The following DYNC2I1 variants were observed in gnomAD, a reference collection of about 807,000 sequenced individuals.
DYNC2I1 encodes cytoplasmic dynein 2 intermediate chain 1.
A neutral mutation model predicts 133.4 loss-of-function variants in DYNC2I1; 89 were observed. That is an observed-to-expected ratio of 0.67 (90% CI 0.56 to 0.80). DYNC2I1 has a LOEUF of 0.80. Among genes scored for constraint, DYNC2I1 ranks in the 30% least tolerant of loss-of-function variants. The probability of loss-of-function intolerance (pLI) is 0.00; values close to 1 mark genes in which losing one functional copy is unlikely to be tolerated. For missense variants in DYNC2I1, 1,291 were observed against 1,314.5 expected (o/e 0.98, Z 0.28); for synonymous variants, 504 against 484.3 (o/e 1.04, Z -0.54).
At chr7:158,886,640 G>A (rs1844635705) in intron 6 of DYNC2I1, among the ~76,000 whole-genome samples, 3 of 152,046 alleles carry the variant, frequency 2.0e-5, no homozygotes, top group Non-Finnish European at 4.4e-5. Context: ...GTCTTTCTCT[G>A]TCGCCCAGGC....
chr7:158,930,395 A>G, intron 20 of DYNC2I1, 60 bp from the exon 21 acceptor site: 2 of 1,425,190 alleles, frequency 1.4e-6, no homozygotes, highest in Non-Finnish European at 2.0e-6. Context: ...GGCAACTATA[A>G]CTAGATTTTG....
At chr7:158,915,574 TC>T (rs1417323902) in intron 14 of DYNC2I1, among the ~76,000 whole-genome samples, 154 of 151,632 alleles carry the variant, frequency 1.0e-3, no homozygotes, top group Non-Finnish European at 1.2e-3. Flanking sequence ...TTGTGAAACC[TC>T]GACACGCTGG....
intron 7 of DYNC2I1, among the ~76,000 whole-genome samples, chr7:158,889,290 C>T (rs1199805438): frequency 6.6e-6 from 1 of 151,988 alleles, no homozygotes; most frequent in Non-Finnish European, 1.5e-5. Context: ...CCATGTTAGC[C>T]AGGGTGGTCT....
chr7:158,876,745 T>C, intron 4 of DYNC2I1, 54 bp downstream of exon 4: 2 of 1,497,052 alleles, frequency 1.3e-6, no homozygotes, highest in East Asian at 2.5e-5. Context: ...AAGTAAAGGA[T>C]GTTTTAAGCA....
chr7:158,921,244 C>A (rs773228151), intron 15 of DYNC2I1, among the ~76,000 whole-genome samples: 3 of 152,132 alleles, frequency 2.0e-5, no homozygotes, highest in Non-Finnish European at 4.4e-5. Flanking sequence ...GAGATGGGAG[C>A]TTCTGGAGGA....
chr7:158,894,132 A>ACTGCATATCCTACTGCATATCC (rs1554455812), intron 8 of DYNC2I1, among the ~76,000 whole-genome samples: 3 of 150,954 alleles, frequency 2.0e-5, no homozygotes, highest in Non-Finnish European at 4.4e-5. Context: ...ACCGCATATC[A>ACTGCATATCCTACTGCATATCC]TACCGCATAT....
At chr7:158,876,756 T>C (rs552533395) in intron 4 of DYNC2I1, 65 bp downstream of exon 4, 1 of 1,476,688 alleles carries the variant, frequency 6.8e-7, no homozygotes, top group Admixed American at 3.0e-5. Context: ...GTTTTAAGCA[T>C]TATTGTTGGA....
At chr7:158,906,896 G>A (rs2129484086) in intron 11 of DYNC2I1, among the ~76,000 whole-genome samples, 1 of 152,334 alleles carries the variant, frequency 6.6e-6, no homozygotes, top group South Asian at 2.1e-4. Flanking sequence ...TGGGCATGGT[G>A]GTATATGCCT....
At position 158,856,728 on chromosome 7, in the gene DYNC2I1, G is replaced by C; in HGVS notation, c.-8G>C. On this transcript the variant is annotated 5_prime_UTR_variant, in exon 1 of 25. Transcript: ENST00000407559. ...GGACACCGCGGCCGCCCGGGCCTGC[G>C]GGAAGCGATGGAGCCCGGGAAGGTC... The C allele has an allele frequency of 1.6e-6, 2 of 1,234,490 alleles. No homozygotes were observed. Among genetic ancestry groups the C allele is most frequent in the Non-Finnish European group, 1.0e-6 (1 of 987,096 alleles). 76.5% of individuals were successfully genotyped at this position (1,234,490 alleles called of 1,614,324 possible).
chr7:158,850,244 C>T, the DYNC2I1 span, among the ~76,000 whole-genome samples: 1 of 152,146 alleles, frequency 6.6e-6, no homozygotes, highest in African/African-American at 2.4e-5. Flanking sequence ...AGGAAGGGCC[C>T]AGGGCTCTTG....
At chr7:158,954,135 T>G (rs892688747) in intron 4 of DYNC2I1, among the ~76,000 whole-genome samples, 1 of 152,200 alleles carries the variant, frequency 6.6e-6, no homozygotes, top group Admixed American at 6.6e-5. Context: ...CGCTCCTGTC[T>G]GCACCTTGGA....
At chr7:158,929,471 A>G (rs909038325) in intron 20 of DYNC2I1, among the ~76,000 whole-genome samples, 41 of 151,984 alleles carry the variant, frequency 2.7e-4, no homozygotes, top group African/African-American at 8.9e-4. Context: ...CCTGTGGGCT[A>G]TGGCGTGTAG....
chr7:158,932,203 C>G (rs565755555), intron 21 of DYNC2I1, among the ~76,000 whole-genome samples: 29 of 152,326 alleles, frequency 1.9e-4, no homozygotes, highest in African/African-American at 7.0e-4. Context: ...GGCCCCGTCC[C>G]TCAGGGTTGT....
intron 14 of DYNC2I1, 133 bp from the exon 15 acceptor site, chr7:158,918,607 C>CT (rs1848711494): frequency 2.0e-6 from 2 of 1,002,128 alleles, no homozygotes; most frequent in Admixed American, 4.9e-5. Flanking sequence ...TATCGTTTTT[C>CT]TTGTAGTTAT....
intron 7 of DYNC2I1, among the ~76,000 whole-genome samples, chr7:158,890,821 G>C (rs187095772): frequency 6.6e-6 from 1 of 152,146 alleles, no homozygotes; most frequent in Admixed American, 6.5e-5. Flanking sequence ...TGATCCGCCC[G>C]CCTCGGCCTC....
chr7:158,893,400 A>T (rs1585060125), intron 8 of DYNC2I1, among the ~76,000 whole-genome samples: 2 of 152,320 alleles, frequency 1.3e-5, no homozygotes, highest in East Asian at 1.9e-4. Flanking sequence ...AAATGCGTTT[A>T]ATATGCCTAA....
downstream of DYNC2I1, among the ~76,000 whole-genome samples, chr7:158,947,437 T>C (rs1215177468): frequency 6.6e-6 from 1 of 152,268 alleles, no homozygotes. Context: ...TCTTTGGGCC[T>C]CTTCTGGGCT....
At chr7:158,895,101 TTGTCTTCCTG>T (rs1845640927) in intron 8 of DYNC2I1, among the ~76,000 whole-genome samples, 1 of 152,260 alleles carries the variant, frequency 6.6e-6, no homozygotes, top group Admixed American at 6.5e-5. Flanking sequence ...AGTCTGTGAC[TTGTCTTCCTG>T]TTGACATTGT....
intron 4 of DYNC2I1, among the ~76,000 whole-genome samples, chr7:158,952,449 T>G (rs1341475954): frequency 6.6e-6 from 1 of 152,192 alleles, no homozygotes; most frequent in Non-Finnish European, 1.5e-5. Flanking sequence ...AGAGAAGGCC[T>G]CTTCCGTGGC....
Sources: gnomAD v4.1 joint callset for allele counts (sites outside exome capture counted in the v4.1 genomes callset) on GRCh38, gnomAD v4.1.1 for gene constraint, MANE v1.5 for transcripts, NCBI Gene and HGNC (gene_info 2026-07-23, HGNC 2026-07-21) for gene names.